DARS1: variants seen among roughly 807,000 people sequenced by gnomAD.
DARS1 encodes the protein aspartate--tRNA ligase, cytoplasmic.
Under a neutral mutation model 68.8 loss-of-function variants are expected in DARS1, and 51 were observed. The ratio of observed to expected loss-of-function variants is 0.74; its 90% CI spans 0.59 to 0.94. DARS1 has a LOEUF of 0.94. Ranked by LOEUF, DARS1 falls within the 40% of genes least tolerant of loss-of-function variation. The pLI is 0.00. For missense variants in DARS1, 607 were observed against 597.3 expected (o/e 1.02, Z -0.17); for synonymous variants, 203 against 190.4 (o/e 1.07, Z -0.55).
chr2:135,929,748 T>A (rs575411622), intron 7 of DARS1, among the ~76,000 whole-genome samples: 1 of 152,362 alleles, frequency 6.6e-6, no homozygotes, highest in South Asian at 2.1e-4. Flanking sequence ...AGTAATGAGC[T>A]AGGCAATGTG....
chr2:135,979,048 A>T (rs996985837), intron 3 of DARS1: 1 of 365,962 alleles, frequency 2.7e-6, no homozygotes, highest in Admixed American at 4.6e-5. Flanking sequence ...AAGTAGCTTG[A>T]AGTCTTAGAT....
chr2:135,955,687 T>A (rs1681957064), intron 4 of DARS1, among the ~76,000 whole-genome samples: 1 of 122,966 alleles, frequency 8.1e-6, no homozygotes, highest in African/African-American at 3.0e-5. Flanking sequence ...TTTTTTTTTT[T>A]TTTTTTTTTT....
chr2:135,908,662 T>C (rs969212117), intron 15 of DARS1, among the ~76,000 whole-genome samples: 1 of 152,210 alleles, frequency 6.6e-6, no homozygotes, highest in African/African-American at 2.4e-5. Flanking sequence ...TCTCTAATGA[T>C]CAGTGATGTT....
chr2:135,985,209 C>T, intron 1 of DARS1, 194 bp downstream of exon 1: 2 of 894,062 alleles, frequency 2.2e-6, no homozygotes, highest in African/African-American at 1.7e-5. Context: ...AGGTGACCCC[C>T]GCAAGAAACG....
intron 4 of DARS1, among the ~76,000 whole-genome samples, chr2:135,945,700 C>CA (rs1681705336): frequency 6.6e-6 from 1 of 152,168 alleles, no homozygotes; most frequent in South Asian, 2.1e-4. Flanking sequence ...CCACTTAGAA[C>CA]ATTGTTTCCA....
intron 13 of DARS1, 38 bp downstream of exon 13, chr2:135,912,448 C>A: frequency 1.3e-6 from 1 of 753,536 alleles, no homozygotes; most frequent in South Asian, 1.6e-5. Context: ...AATTTCCCTT[C>A]TGCCTCAAAA....
intron 3 of DARS1, among the ~76,000 whole-genome samples, chr2:135,974,459 A>T (rs1254009727): frequency 6.6e-6 from 1 of 152,238 alleles, no homozygotes; most frequent in Non-Finnish European, 1.5e-5. Flanking sequence ...TATACATCAC[A>T]TAACACAATT....
intron 15 of DARS1, among the ~76,000 whole-genome samples, chr2:135,908,616 G>C (rs1025152224): frequency 6.6e-6 from 1 of 152,134 alleles, no homozygotes; most frequent in Non-Finnish European, 1.5e-5. Context: ...TCTGACTGGC[G>C]TGAGATGGTA....
At chr2:135,916,456 C>G in intron 10 of DARS1, 84 bp from the exon 11 acceptor site, 2 of 735,818 alleles carry the variant, frequency 2.7e-6, no homozygotes, top group East Asian at 5.0e-5. Flanking sequence ...ATACAAAAAT[C>G]AATCTTTGAA....
chr2:135,967,431 C>T (rs571451428), intron 3 of DARS1, among the ~76,000 whole-genome samples: 36 of 152,294 alleles, frequency 2.4e-4, no homozygotes, highest in African/African-American at 8.4e-4. Flanking sequence ...GAATGACAGA[C>T]ATTCCAATTA....
chr2:135,924,274 A>G (rs1369247972), intron 8 of DARS1, 113 bp downstream of exon 8: 16 of 1,219,780 alleles, frequency 1.3e-5, no homozygotes, highest in Middle Eastern at 5.6e-4. Flanking sequence ...TCTCATGGCA[A>G]TAAACCTTAA....
At chr2:135,928,407 G>C (rs1349210056) in intron 7 of DARS1, among the ~76,000 whole-genome samples, 3 of 149,386 alleles carry the variant, frequency 2.0e-5, no homozygotes, top group South Asian at 4.2e-4. Context: ...TTTTTTTTTT[G>C]TTTTTTGAGA....
At position 135,957,264 on chromosome 2, in the gene DARS1, G is replaced by C. The variant is rs370284308; in HGVS notation, c.320+4132C>G. On this transcript the variant is annotated intron_variant, in intron 4 of 15. Transcript: ENST00000264161. ...TTTTTTTGAGACGGAGTCTCGCTCTGTCGCCCAGGCTGGAGTGCAGTGGCA... is the reference window on the plus strand; with the variant it reads ...TTTTTTTGAGACGGAGTCTCGCTCTCTCGCCCAGGCTGGAGTGCAGTGGCA... 4.6e-5 allele frequency among the ~76,000 whole-genome samples: 7 copies of C among 150,922 alleles called. No individual in the cohort carries two copies. The East Asian group carries it at 1.4e-3, about 30-fold the overall frequency.
Position 135,907,109 on chromosome 2 carries a change from G to T in DARS1, c.*207C>A. 2.9e-6 allele frequency: 1 copy of T among 340,452 alleles called. No homozygotes were observed. Among genetic ancestry groups the T allele is most frequent in the Non-Finnish European group, 5.3e-6 (1 of 186,990 alleles). 21.1% of individuals were successfully genotyped at this position (340,452 alleles called of 1,614,324 possible). On this transcript the variant is annotated 3_prime_UTR_variant, in exon 16 of 16. Transcript: ENST00000264161. Reference sequence around the variant, plus strand: ...GAAGTTATAAAAATCTCTTTTAAACGAACCTATACTGAATTACTCCAAAAA... The same window carrying T: ...GAAGTTATAAAAATCTCTTTTAAACTAACCTATACTGAATTACTCCAAAAA...
At chr2:135,920,156 G>C (rs1297696829) in intron 10 of DARS1, among the ~76,000 whole-genome samples, 1 of 152,086 alleles carries the variant, frequency 6.6e-6, no homozygotes, top group Non-Finnish European at 1.5e-5. Context: ...TGAGACATTC[G>C]GGATGTCAGT....
intron 13 of DARS1, 102 bp from the exon 14 acceptor site, chr2:135,911,595 T>C (rs550540465): frequency 1.5e-6 from 1 of 655,176 alleles, no homozygotes; most frequent in Admixed American, 2.7e-5. Context: ...GTTCATTTTT[T>C]CCTACAATTA....
chr2:135,917,892 A>T (rs1681040615), intron 10 of DARS1, among the ~76,000 whole-genome samples: 1 of 151,962 alleles, frequency 6.6e-6, no homozygotes, highest in African/African-American at 2.4e-5. Flanking sequence ...AAGAAGGGTT[A>T]AAAAGACCCC....
intron 4 of DARS1, among the ~76,000 whole-genome samples, chr2:135,955,475 A>G (rs932718079): frequency 6.6e-6 from 1 of 152,106 alleles, no homozygotes; most frequent in African/African-American, 2.4e-5. Context: ...GTCACACACC[A>G]GTTCTTCAAA....
chr2:135,957,049 C>T (rs1681991310), intron 4 of DARS1, among the ~76,000 whole-genome samples: 1 of 151,794 alleles, frequency 6.6e-6, no homozygotes, highest in Non-Finnish European at 1.5e-5. Context: ...ACAGGTGTGA[C>T]CAACCGCGCC....
Sources: allele counts gnomAD v4.1 joint callset (sites outside exome capture counted in the v4.1 genomes callset), GRCh38; gene constraint gnomAD v4.1.1; transcripts MANE v1.5; gene names NCBI Gene and HGNC (gene_info 2026-07-23, HGNC 2026-07-21).